Variants in SEZ6L observed in about 807,000 individuals in gnomAD.
SEZ6L encodes seizure related 6 homolog like, also known as seizure 6-like protein.
In SEZ6L, 37 loss-of-function variants were observed where a neutral mutation model predicts 106.2. The ratio of observed to expected loss-of-function variants is 0.35; its 90% CI spans 0.27 to 0.46. SEZ6L has a LOEUF of 0.46. Among genes scored for constraint, SEZ6L ranks in the 20% least tolerant of loss-of-function variants. SEZ6L has a pLI of 1.00. For missense variants in SEZ6L, 1,172 were observed against 1,332.8 expected (o/e 0.88, Z 1.88); for synonymous variants, 541 against 570.4 (o/e 0.95, Z 0.73).
chr22:26,365,078 G>T, intron 12 of SEZ6L: 1 of 267,974 alleles, frequency 3.7e-6, no homozygotes, highest in Non-Finnish European at 7.2e-6. Context: ...AGGAAACTAA[G>T]GATCAGAAAG....
At chr22:26,345,587 C>G (rs547132722) in intron 10 of SEZ6L, among the ~76,000 whole-genome samples, 1 of 152,152 alleles carries the variant, frequency 6.6e-6, no homozygotes, top group South Asian at 2.1e-4. Context: ...CCTGTCCCCC[C>G]ACCAAGCAAT....
intron 1 of SEZ6L, among the ~76,000 whole-genome samples, chr22:26,292,018 AGGAAGGAAGGAAGGAAGGAT>A (rs1469200139): frequency 0.014 from 1,794 of 125,254 alleles, 61 homozygotes; most frequent in African/African-American, 0.036. Context: ...GAAGGAAGGA[AGGAAGGAAGGAAGGAAGGAT>A]GGATGGAAGG....
At chr22:26,276,743 C>T (rs985723327) in intron 1 of SEZ6L, among the ~76,000 whole-genome samples, 19 of 152,162 alleles carry the variant, frequency 1.2e-4, no homozygotes, top group African/African-American at 4.3e-4. Context: ...TTCACAAAGC[C>T]GTACCATGAG....
intron 9 of SEZ6L, among the ~76,000 whole-genome samples, chr22:26,324,666 A>T (rs193185508): frequency 6.6e-6 from 1 of 152,328 alleles, no homozygotes; most frequent in African/African-American, 2.4e-5. Flanking sequence ...AAACTGGCTG[A>T]ACTCAGATCT....
chr22:26,341,831 C>T (rs1044761632), intron 10 of SEZ6L, among the ~76,000 whole-genome samples: 7 of 152,202 alleles, frequency 4.6e-5, no homozygotes, highest in Admixed American at 2.0e-4. Context: ...CAAATCCAAA[C>T]ACATGTCCCC....
chr22:26,313,414 G>A (rs1370205688), intron 8 of SEZ6L, among the ~76,000 whole-genome samples: 1 of 152,126 alleles, frequency 6.6e-6, no homozygotes, highest in Non-Finnish European at 1.5e-5. Flanking sequence ...CGGTCTCTTA[G>A]CCACTACTCA....
intron 10 of SEZ6L, among the ~76,000 whole-genome samples, chr22:26,342,238 C>T (rs1297083200): frequency 6.6e-6 from 1 of 152,192 alleles, no homozygotes. Flanking sequence ...CGTGCTTGCA[C>T]TTCCCAGGAA....
At chr22:26,190,297 A>T (rs1940106091) in intron 1 of SEZ6L, among the ~76,000 whole-genome samples, 1 of 152,160 alleles carries the variant, frequency 6.6e-6, no homozygotes, top group Admixed American at 6.5e-5. Context: ...GAGGTTATTG[A>T]GTCCAATTTT....
intron 1 of SEZ6L, among the ~76,000 whole-genome samples, chr22:26,222,757 T>C (rs2078515321): frequency 6.6e-6 from 1 of 152,228 alleles, no homozygotes; most frequent in Non-Finnish European, 1.5e-5. Context: ...AAGCAGGATA[T>C]ATTATATGCT....
At chr22:26,208,611 T>C (rs1344849460) in intron 1 of SEZ6L, among the ~76,000 whole-genome samples, 1 of 152,216 alleles carries the variant, frequency 6.6e-6, no homozygotes, top group African/African-American at 2.4e-5. Context: ...ATACATCCTG[T>C]ATATGATATG....
intron 1 of SEZ6L, among the ~76,000 whole-genome samples, chr22:26,289,254 C>G (rs1039000025): frequency 6.6e-6 from 1 of 152,178 alleles, no homozygotes; most frequent in Non-Finnish European, 1.5e-5. Context: ...ACCCCTCCCC[C>G]CTGCTCTTTT....
intron 5 of SEZ6L, among the ~76,000 whole-genome samples, chr22:26,299,858 G>C (rs1206361011): frequency 6.6e-6 from 1 of 152,146 alleles, no homozygotes; most frequent in Non-Finnish European, 1.5e-5. Context: ...GGAATTGCTG[G>C]GTCATAGGGT....
At chr22:26,373,419 C>T in intron 13 of SEZ6L, 32 bp from the exon 14 acceptor site, 2 of 1,592,636 alleles carry the variant, frequency 1.3e-6, no homozygotes, top group African/African-American at 1.4e-5. Flanking sequence ...ATTCACTTTA[C>T]ATTGACCAAT....
At chr22:26,266,258 A>T (rs1393550239) in intron 1 of SEZ6L, among the ~76,000 whole-genome samples, 1 of 147,568 alleles carries the variant, frequency 6.8e-6, no homozygotes, top group African/African-American at 2.6e-5. Flanking sequence ...GTTGTGTGTT[A>T]AAAAAATCAA....
chr22:26,377,412 A>G (rs2084265210), intron 15 of SEZ6L, among the ~76,000 whole-genome samples: 1 of 152,220 alleles, frequency 6.6e-6, no homozygotes, highest in Non-Finnish European at 1.5e-5. Flanking sequence ...AGGAGAAAAC[A>G]AATTAAGCTC....
intron 14 of SEZ6L, among the ~76,000 whole-genome samples, chr22:26,374,523 T>C (rs1168556705): frequency 6.6e-6 from 1 of 152,206 alleles, no homozygotes; most frequent in African/African-American, 2.4e-5. Flanking sequence ...CAGAGTATCC[T>C]TTTTCTGCCT....
At chr22:26,268,595 A>G (rs919473263) in intron 1 of SEZ6L, among the ~76,000 whole-genome samples, 1 of 152,236 alleles carries the variant, frequency 6.6e-6, no homozygotes, top group Non-Finnish European at 1.5e-5. Context: ...AAAATCTGAT[A>G]AGATGGAGCA....
chr22:26,194,954 G>A (rs1029650263), intron 1 of SEZ6L, among the ~76,000 whole-genome samples: 1 of 152,158 alleles, frequency 6.6e-6, no homozygotes, highest in Admixed American at 6.6e-5. Flanking sequence ...AACTGGTTGG[G>A]GTCAGCTTTA....
chr22:26,260,135 A>T (rs2079951648), intron 1 of SEZ6L, among the ~76,000 whole-genome samples: 1 of 152,176 alleles, frequency 6.6e-6, no homozygotes, highest in Non-Finnish European at 1.5e-5. Flanking sequence ...TTTACTTTTT[A>T]AAATTTTTTT....
Sources: gnomAD v4.1 joint callset for allele counts (sites outside exome capture counted in the v4.1 genomes callset) on GRCh38, gnomAD v4.1.1 for gene constraint, MANE v1.5 for transcripts, NCBI Gene and HGNC (gene_info 2026-07-23, HGNC 2026-07-21) for gene names.